SLF1: variants seen among roughly 807,000 people sequenced by gnomAD.
The protein encoded by SLF1 is SMC5/6 complex localization factor 1, also known as SMC5-SMC6 complex localization factor protein 1.
Under a neutral mutation model 123.0 loss-of-function variants are expected in SLF1, and 105 were observed. The observed-to-expected ratio is 0.85, with a 90% CI of 0.73 to 1.00. The LOEUF is 1.00. SLF1 is among the 50% of genes least tolerant of loss of function. SLF1 has a pLI of 0.00. For synonymous variants in SLF1, 434 were observed against 406.6 expected, an observed-to-expected ratio of 1.07 and a Z score of -0.81; for missense variants, 1,239 against 1,223.0, an observed-to-expected ratio of 1.01 and a Z score of -0.20.
chr5:94,650,385 CAG>C (rs376667460), intron 6 of SLF1, among the ~76,000 whole-genome samples: 54 of 134,920 alleles, frequency 4.0e-4, no homozygotes, highest in Middle Eastern at 4.7e-3. Context: ...TTTTTTGAGA[CAG>C]AGTCTTGCTG....
At chr5:94,643,140 C>T (rs1248051452) in intron 4 of SLF1, 133 bp from the exon 5 acceptor site, 2 of 583,564 alleles carry the variant, frequency 3.4e-6, no homozygotes, top group Non-Finnish European at 5.8e-6. Context: ...TCTCTGTGAT[C>T]CTCAATTGCC....
At chr5:94,665,214 G>A (rs1222407335) in intron 11 of SLF1, among the ~76,000 whole-genome samples, 1 of 152,020 alleles carries the variant, frequency 6.6e-6, no homozygotes, top group Non-Finnish European at 1.5e-5. Flanking sequence ...TTCAGAGGCC[G>A]AGGCCTCCCA....
rs1161276504 is a variant in SLF1, at chr5:94,691,643, C to T, written c.2499C>T (p.Asp833=). 1.2e-6 allele frequency: 2 copies of T among 1,608,056 alleles called. No individual in the cohort carries two copies. The highest frequency in any genetic ancestry group is 1.3e-5 in the African/African-American group (1 of 74,536). ...LILLLSLPGI[D]INVKDNAGWT... The stretch of plus-strand genomic sequence containing the variant: ...TTCTTCTCTCTTTGCCAGGAATAGA[C>T]ATCAATGTTAAAGGTAAGTTTTAAA... The change falls in exon 19 of 21, where the codon GAC becomes GAT. Residue 833 remains aspartate (D), a synonymous_variant. Coordinates refer to ENST00000265140, the MANE Select transcript of SLF1 (RefSeq NM_032290.4).
intron 5 of SLF1, among the ~76,000 whole-genome samples, chr5:94,645,065 A>G (rs557671506): frequency 6.6e-6 from 1 of 152,306 alleles, no homozygotes; most frequent in East Asian, 1.9e-4. Context: ...TGCTTGGACT[A>G]TGGATAATCT....
chr5:94,627,006 T>A (rs1792307269), intron 1 of SLF1, among the ~76,000 whole-genome samples: 1 of 152,206 alleles, frequency 6.6e-6, no homozygotes, highest in African/African-American at 2.4e-5. Flanking sequence ...ATTGAGACTT[T>A]CTTTCAATTT....
intron 1 of SLF1, among the ~76,000 whole-genome samples, chr5:94,626,950 T>C (rs748613946): frequency 5.9e-5 from 9 of 152,220 alleles, no homozygotes; most frequent in Admixed American, 2.6e-4. Context: ...TTCAAAACTA[T>C]AAGCAAGGAA....
At chr5:94,626,515 A>G (rs1265339939) in intron 1 of SLF1, among the ~76,000 whole-genome samples, 2 of 152,178 alleles carry the variant, frequency 1.3e-5, no homozygotes, top group Non-Finnish European at 2.9e-5. Flanking sequence ...AGAGGGTTAA[A>G]ATACATTGTA....
At chr5:94,651,465 G>A (rs1279256857) in intron 6 of SLF1, among the ~76,000 whole-genome samples, 1 of 152,168 alleles carries the variant, frequency 6.6e-6, no homozygotes, top group African/African-American at 2.4e-5. Flanking sequence ...TCGGAATTCA[G>A]CACATAGGTA....
At chr5:94,677,041 C>T (rs2152492696) in intron 14 of SLF1, among the ~76,000 whole-genome samples, 1 of 152,240 alleles carries the variant, frequency 6.6e-6, no homozygotes, top group East Asian at 1.9e-4. Flanking sequence ...TAATATATAA[C>T]TCTAATACAC....
At chr5:94,675,313 TATATATC>T (rs1161237198) in intron 14 of SLF1, among the ~76,000 whole-genome samples, 1 of 152,218 alleles carries the variant, frequency 6.6e-6, no homozygotes, top group Non-Finnish European at 1.5e-5. Flanking sequence ...CTAAGGTAAA[TATATATC>T]ATATATGCAA....
rs547824594 is a variant in SLF1 at position 94,692,409 on chromosome 5, C to T, written c.2695+153C>T. On this transcript the variant is annotated intron_variant, in intron 20 of 20. Coordinates refer to ENST00000265140, the MANE Select transcript of SLF1 (RefSeq NM_032290.4). ...AGTAAGGATAAAAAGTCTCCTAAAA[C>T]GTAAGCACCTTTTATTATTAGAGAT... Among the ~76,000 whole-genome samples the T allele has an allele frequency of 2.7e-4, 41 of 152,130 alleles. No homozygotes were observed. The South Asian group carries it at 7.9e-3, about 29-fold the overall frequency.
chr5:94,659,537 G>C (rs1748822617), intron 9 of SLF1, among the ~76,000 whole-genome samples: 1 of 152,160 alleles, frequency 6.6e-6, no homozygotes, highest in African/African-American at 2.4e-5. Context: ...GAGTGCTTTA[G>C]TTTTGCCAGA....
chr5:94,635,593 T>C (rs1745680509), intron 4 of SLF1, among the ~76,000 whole-genome samples: 1 of 152,024 alleles, frequency 6.6e-6, no homozygotes, highest in Admixed American at 6.6e-5. Flanking sequence ...GTTTTGTGTA[T>C]CTAGTAGAGA....
chr5:94,685,798 G>T (rs1031943969), intron 15 of SLF1, among the ~76,000 whole-genome samples: 30 of 150,232 alleles, frequency 2.0e-4, no homozygotes, highest in Non-Finnish European at 4.3e-4. Context: ...TCGCACCACT[G>T]CACTCCAGCC....
chr5:94,686,786 TTTAG>T (rs113089557), intron 16 of SLF1, 68 bp downstream of exon 16: 318,474 of 1,470,184 alleles, frequency 0.22, 35,251 homozygotes, highest in East Asian at 0.34. Context: ...ATTTTATTTA[TTTAG>T]TTATTTATTT....
chr5:94,677,460 T>C (rs1312349305), intron 14 of SLF1, among the ~76,000 whole-genome samples: 1 of 152,184 alleles, frequency 6.6e-6, no homozygotes, highest in Non-Finnish European at 1.5e-5. Flanking sequence ...CCTTTTATAC[T>C]GTAATCTTTT....
At chr5:94,688,419 C>G in intron 16 of SLF1, 87 bp from the exon 17 acceptor site, 2 of 1,362,184 alleles carry the variant, frequency 1.5e-6, no homozygotes, top group Non-Finnish European at 2.0e-6. Flanking sequence ...AAAATATAAC[C>G]AAATGTAATA....
At chr5:94,667,290 G>C (rs1006771375) in intron 12 of SLF1, among the ~76,000 whole-genome samples, 3 of 152,286 alleles carry the variant, frequency 2.0e-5, no homozygotes, top group Admixed American at 1.3e-4. Context: ...AAGCCCAACA[G>C]TACAAGCCCA....
intron 14 of SLF1, among the ~76,000 whole-genome samples, chr5:94,677,049 C>A (rs563733549): frequency 1.3e-5 from 2 of 152,206 alleles, no homozygotes; most frequent in African/African-American, 4.8e-5. Context: ...AACTCTAATA[C>A]ACTGAAATAC....
Sources: gnomAD v4.1 joint callset for allele counts (sites outside exome capture counted in the v4.1 genomes callset) on GRCh38, gnomAD v4.1.1 for gene constraint, MANE v1.5 for transcripts, NCBI Gene and HGNC (gene_info 2026-07-23, HGNC 2026-07-21) for gene names.